Variants in WDR27 observed in about 807,000 individuals in gnomAD.
The protein encoded by WDR27 is WD repeat-containing protein 27.
A neutral mutation model predicts 114.4 loss-of-function variants in WDR27; 100 were observed. That is an observed-to-expected ratio of 0.87 (90% CI 0.74 to 1.03). WDR27 has a LOEUF of 1.03. Ranked by LOEUF, WDR27 falls within the 50% of genes least tolerant of loss-of-function variation. The pLI, the probability that WDR27 is intolerant of heterozygous loss-of-function variation, is 0.00. For synonymous variants in WDR27, 449 were observed against 423.1 expected (o/e 1.06, Z -0.75); for missense variants, 1,129 against 1,092.9 (o/e 1.03, Z -0.47).
intron 23 of WDR27, among the ~76,000 whole-genome samples, chr6:169,589,026 A>T (rs1805192954): frequency 6.6e-6 from 1 of 152,130 alleles, no homozygotes; most frequent in South Asian, 2.1e-4. Context: ...CCATTCACAC[A>T]TGGTTTAGGG....
chr6:169,519,707 T>C (rs1423691886), intron 25 of WDR27, among the ~76,000 whole-genome samples: 1 of 151,758 alleles, frequency 6.6e-6, no homozygotes, highest in Non-Finnish European at 1.5e-5. Flanking sequence ...CCAAACTATA[T>C]CACCCCCCAA....
intron 25 of WDR27, among the ~76,000 whole-genome samples, chr6:169,463,400 A>G (rs1455853287): frequency 6.6e-6 from 1 of 152,194 alleles, no homozygotes; most frequent in Non-Finnish European, 1.5e-5. Context: ...CATTCAAACC[A>G]TAGCATCACA....
In WDR27 at chr6:169,538,032, T is replaced by C. The variant is rs1427115027; in HGVS notation, c.2645+34387A>G. Among the ~76,000 whole-genome samples the C allele has an allele frequency of 4.2e-5, 6 of 144,174 alleles. No homozygotes were observed. In the Admixed American group the frequency reaches 4.3e-4, roughly 10 times the overall value. The allele number at this position is 144,174 out of a possible 152,430, so 94.6% of individuals were successfully genotyped here. A position where few individuals can be genotyped will look rare whatever the true frequency, so the allele number is the denominator to read the frequency against. The stretch of plus-strand genomic sequence containing the variant: ...CTTCAAAATAAATTGGGTGTGTATG[T>C]GTGGTGGGGGTGGGGAGAGATGGAG... On this transcript the variant is annotated intron_variant, in intron 25 of 25. Coordinates refer to ENST00000448612, the MANE Select transcript of WDR27 (RefSeq NM_182552.5).
rs942977477 is a variant in WDR27 at position 169,559,656 on chromosome 6, A to T, written c.2645+12763T>A. On this transcript the variant is annotated intron_variant, in intron 25 of 25. Transcript: ENST00000448612. ...CCAGTTCCCGAGTGTCCATAGTAAG[A>T]AAGACACGGCTTTCTGCTCTTGAAT... The T allele has an allele frequency of 6.6e-5, 10 of 152,222 alleles. No individual in the cohort carries two copies. In the East Asian group the frequency reaches 1.2e-3, roughly 18 times the overall value. The allele number at this position is 152,222 out of a possible 1,614,324, so 9.4% of individuals were successfully genotyped here.
At chr6:169,618,897 A>T (rs1812512868) in intron 21 of WDR27, among the ~76,000 whole-genome samples, 1 of 151,684 alleles carries the variant, frequency 6.6e-6, no homozygotes, top group Non-Finnish European at 1.5e-5. Context: ...CTATTAAAAA[A>T]TAGTGTAAAC....
At chr6:169,682,923 T>A (rs60253563) in intron 2 of WDR27, among the ~76,000 whole-genome samples, 1 of 151,678 alleles carries the variant, frequency 6.6e-6, no homozygotes, top group Non-Finnish European at 1.5e-5. Context: ...AATAATTAAA[T>A]GAAAAATGCA....
At chr6:169,617,220 G>C (rs181613250) in intron 21 of WDR27, among the ~76,000 whole-genome samples, 120 of 152,314 alleles carry the variant, frequency 7.9e-4, no homozygotes, top group African/African-American at 2.8e-3. Context: ...TCTTTCAAGA[G>C]AGAGGGGTGT....
Position 169,664,202 on chromosome 6 carries a change from T to C in WDR27, c.868A>G (p.Thr290Ala). 3 of 1,610,958 alleles carry C rather than the reference T, an allele frequency of 1.9e-6. No individual in the cohort carries two copies. The highest frequency in any genetic ancestry group is 2.5e-6 in the Non-Finnish European group (3 of 1,178,256). The change falls in exon 8 of 26, where the codon ACA becomes GCA. Residue 290 changes from threonine (T) to alanine (A), a missense_variant. Coordinates refer to ENST00000448612, the MANE Select transcript of WDR27 (RefSeq NM_182552.5). Reference protein sequence around the residue: ...DLRKKTETFSTRRVKSGLCSQ... With the variant: ...DLRKKTETFSARRVKSGLCSQ... ...CACAGCCCAGACTTAACCCTTCTTG[T>C]GGAGAAAGTCTCTGTCTTCTTCCTT...
At chr6:169,599,683 C>T (rs1322149286) in intron 23 of WDR27, among the ~76,000 whole-genome samples, 1 of 152,074 alleles carries the variant, frequency 6.6e-6, no homozygotes, top group African/African-American at 2.4e-5. Flanking sequence ...AGCGGTCTAT[C>T]AATTTTGTTG....
chr6:169,566,416 C>A (rs1800505802), intron 25 of WDR27, among the ~76,000 whole-genome samples: 1 of 152,230 alleles, frequency 6.6e-6, no homozygotes, highest in Non-Finnish European at 1.5e-5. Context: ...CTGCCACAGA[C>A]CCTGAGAGTG....
At chr6:169,573,636 C>T (rs762358186) in intron 24 of WDR27, among the ~76,000 whole-genome samples, 12 of 152,110 alleles carry the variant, frequency 7.9e-5, no homozygotes, top group Non-Finnish European at 1.3e-4. Context: ...TTGATGATTG[C>T]GATAGTAATA....
At chr6:169,498,921 T>C (rs1471867508) in intron 25 of WDR27, among the ~76,000 whole-genome samples, 1 of 152,172 alleles carries the variant, frequency 6.6e-6, no homozygotes, top group East Asian at 1.9e-4. Flanking sequence ...TCTAGACACA[T>C]GTAATAATAC....
intron 21 of WDR27, among the ~76,000 whole-genome samples, chr6:169,630,917 G>GT (rs1816182906): frequency 8.1e-6 from 1 of 123,254 alleles, no homozygotes; most frequent in Non-Finnish European, 1.8e-5. Context: ...AATCAATAAG[G>GT]TGGGTATTAG....
intron 25 of WDR27, among the ~76,000 whole-genome samples, chr6:169,511,728 T>C (rs1487949309): frequency 6.6e-6 from 1 of 152,172 alleles, no homozygotes; most frequent in African/African-American, 2.4e-5. Flanking sequence ...TTGCTCTAGA[T>C]AATATCTGAG....
rs750164268 is a variant in WDR27 at position 169,660,642 on chromosome 6, C to T, written c.1129+21G>A. Reference sequence around the variant, plus strand: ...AAAGGAAAACATTACAGTTACATGGCGTTGAAATCAAAGATCTTACCCTTG... The same window carrying T: ...AAAGGAAAACATTACAGTTACATGGTGTTGAAATCAAAGATCTTACCCTTG... On this transcript the variant is annotated intron_variant, in intron 10 of 25. Transcript: ENST00000448612. 36 of 1,584,980 alleles carry T rather than the reference C, an allele frequency of 2.3e-5. No individual in the cohort carries two copies. In the Admixed American group the frequency reaches 5.5e-4, roughly 24 times the overall value.
chr6:169,666,681 G>A (rs1029033863), intron 6 of WDR27: 1 of 986,516 alleles, frequency 1.0e-6, no homozygotes, highest in Non-Finnish European at 1.2e-6. Context: ...TCTGAGGGAA[G>A]AACGCAAGGA....
chr6:169,672,452 T>C (rs1778999451), intron 2 of WDR27, 56 bp from the exon 3 acceptor site: 2 of 1,450,984 alleles, frequency 1.4e-6, no homozygotes, highest in Non-Finnish European at 9.2e-7. Context: ...AATAAGAGTA[T>C]AACAACATAA....
At chr6:169,523,892 T>A (rs1208268386) in intron 25 of WDR27, among the ~76,000 whole-genome samples, 1 of 152,134 alleles carries the variant, frequency 6.6e-6, no homozygotes, top group Non-Finnish European at 1.5e-5. Context: ...AAAACAAGAA[T>A]CTCTACTTTT....
intron 25 of WDR27, among the ~76,000 whole-genome samples, chr6:169,467,466 G>T (rs1785742557): frequency 6.6e-6 from 1 of 152,224 alleles, no homozygotes; most frequent in Non-Finnish European, 1.5e-5. Context: ...TGAAATAAAG[G>T]TGGAGGCTCC....
Sources: allele counts gnomAD v4.1 joint callset (sites outside exome capture counted in the v4.1 genomes callset), GRCh38; gene constraint gnomAD v4.1.1; transcripts MANE v1.5; gene names NCBI Gene and HGNC (gene_info 2026-07-23, HGNC 2026-07-21).